OGG1: variants seen among roughly 807,000 people sequenced by gnomAD.
OGG1 encodes 8-oxoguanine DNA glycosylase.
OGG1 carries 35 observed loss-of-function variants against 42.3 expected under a neutral mutation model. That is an observed-to-expected ratio of 0.83 (90% CI 0.63 to 1.10). The LOEUF (loss-of-function observed/expected upper bound fraction) is 1.10, where lower values mean the gene tolerates loss of function less well. OGG1 is among the 50% of genes least tolerant of loss of function. The pLI is 0.00. For missense variants in OGG1, 484 were observed against 446.7 expected (o/e 1.08, Z -0.75); for synonymous variants, 189 against 179.0 (o/e 1.06, Z -0.44).
chr3:9,761,979 T>G, downstream of OGG1: 1 of 567,134 alleles, frequency 1.8e-6, no homozygotes, highest in Non-Finnish European at 3.1e-6. Flanking sequence ...AAACCTCAGG[T>G]GTGCACTGTA....
At chr3:9,778,551 T>A (rs2078394592) in intron 2 of OGG1, among the ~76,000 whole-genome samples, 1 of 152,240 alleles carries the variant, frequency 6.6e-6, no homozygotes, top group East Asian at 1.9e-4. Flanking sequence ...CTCCATCTCC[T>A]GGCTCTGCTT....
chr3:9,788,755 GTCTTGAAC>G (rs2078674388), downstream of OGG1, among the ~76,000 whole-genome samples: 1 of 151,670 alleles, frequency 6.6e-6, no homozygotes, highest in South Asian at 2.1e-4. Flanking sequence ...GGTCAGGCTG[GTCTTGAAC>G]TCCTGACCTC....
At chr3:9,769,542 C>A (rs373813465), downstream of OGG1, among the ~76,000 whole-genome samples, 1 of 152,298 alleles carries the variant, frequency 6.6e-6, no homozygotes, top group African/African-American at 2.4e-5. Context: ...CTCCGCAAGC[C>A]CCCCCACCCC....
chr3:9,780,350 G>A, intron 2 of OGG1: 1 of 1,609,528 alleles, frequency 6.2e-7, no homozygotes. Context: ...TGAGGCAGGG[G>A]TGAGGGCTAC....
intron 3 of OGG1, among the ~76,000 whole-genome samples, chr3:9,786,769 G>A (rs536243514): frequency 1.9e-4 from 29 of 152,276 alleles, no homozygotes; most frequent in Admixed American, 1.1e-3. Flanking sequence ...TCTCCAGGCT[G>A]GTAATACAAG....
rs1302502255 is a variant in OGG1, at chr3:9,751,063, A to G, written c.256A>G (p.Ser86Gly). The G allele has an allele frequency of 6.2e-7, 1 of 1,613,804 alleles. No homozygotes were observed. The highest frequency in any genetic ancestry group is 8.5e-7 in the Non-Finnish European group (1 of 1,179,898). ...TVYRGDKSQASRPTPDELEAV... is the reference protein window; with the variant it reads ...TVYRGDKSQAGRPTPDELEAV... ...GTACCGAGGAGACAAGAGCCAGGCT[A>G]GCAGGCCCACACCAGACGAGCTGGA... The change falls in exon 2 of 7, where the codon AGC becomes GGC. Residue 86 changes from serine to glycine, a missense_variant. Transcript: ENST00000344629.
chr3:9,784,707 A>T (rs1210601549), intron 3 of OGG1, among the ~76,000 whole-genome samples: 1 of 152,036 alleles, frequency 6.6e-6, no homozygotes, highest in East Asian at 1.9e-4. Flanking sequence ...TCTACTAAAA[A>T]TACAAAAATG....
intron 2 of OGG1, among the ~76,000 whole-genome samples, chr3:9,779,229 C>A (rs2078406712): frequency 6.6e-6 from 1 of 152,194 alleles, no homozygotes; most frequent in Admixed American, 6.5e-5. Flanking sequence ...CTCTGACTGG[C>A]ATAAAGCCAT....
downstream of OGG1, among the ~76,000 whole-genome samples, chr3:9,769,553 A>G (rs73113552): frequency 4.3e-3 from 655 of 151,654 alleles, 4 homozygotes; most frequent in African/African-American, 0.015. Flanking sequence ...CCCCCACCCC[A>G]TGGATACCTC....
In OGG1 at chr3:9,763,993, A is replaced by T. The variant is rs190926547; in HGVS notation, c.1049-1816A>T. Among the ~76,000 whole-genome samples, 731 of 151,996 alleles carry T rather than the reference A, an allele frequency of 4.8e-3. 5 individuals carry two copies. The highest frequency in any genetic ancestry group is 0.012 in the African/African-American group (491 of 41,478). The stretch of plus-strand genomic sequence containing the variant: ...AAGAGCAAAACTCCATCTCAAAAAA[A>T]ATATATATATATAGTTTTCTGTGTT... On this transcript the variant is annotated intron_variant, in intron 7 of 7. Coordinates refer to the OGG1 transcript ENST00000302008.
downstream of OGG1, among the ~76,000 whole-genome samples, chr3:9,770,240 G>C (rs2078272392): frequency 6.6e-6 from 1 of 152,194 alleles, no homozygotes; most frequent in Non-Finnish European, 1.5e-5. Flanking sequence ...AACCCCGTCT[G>C]TCTGAAGCTA....
intron 7 of OGG1, chr3:9,765,707 G>A: frequency 6.3e-7 from 1 of 1,594,528 alleles, no homozygotes; most frequent in Admixed American, 1.7e-5. Flanking sequence ...AGGAGGATGG[G>A]AGGGCCAAGG....
downstream of OGG1, among the ~76,000 whole-genome samples, chr3:9,768,332 A>G (rs1450418590): frequency 6.6e-6 from 1 of 152,210 alleles, no homozygotes; most frequent in Non-Finnish European, 1.5e-5. Flanking sequence ...AACAACAGCC[A>G]CAGCTGGAGC....
chr3:9,760,516 G>A, downstream of OGG1: 1 of 752,582 alleles, frequency 1.3e-6, no homozygotes, highest in Non-Finnish European at 2.3e-6. Flanking sequence ...AGAAGGGGTA[G>A]GGTGTCTGGT....
chr3:9,781,823 C>A (rs984192911), intron 3 of OGG1, among the ~76,000 whole-genome samples: 8 of 147,514 alleles, frequency 5.4e-5, no homozygotes, highest in African/African-American at 7.5e-5. Flanking sequence ...TTCTTCATTG[C>A]CCATTACTTC....
downstream of OGG1, chr3:9,757,982 G>A (rs2077665525): frequency 7.0e-7 from 1 of 1,425,978 alleles, no homozygotes. The surrounding 1 kb of genome is among the most constrained non-coding windows in gnomAD (Gnocchi z 4.5). Context: ...TTCCCCTAAA[G>A]CCCCCCAAAA....
chr3:9,781,181 C>T (rs574273465), intron 2 of OGG1, among the ~76,000 whole-genome samples: 4 of 151,972 alleles, frequency 2.6e-5, no homozygotes, highest in African/African-American at 9.7e-5. Context: ...CAAAGTAGCT[C>T]ATGCCTGTAA....
chr3:9,753,829 G>A (rs3219007), intron 3 of OGG1, among the ~76,000 whole-genome samples: 3 of 152,358 alleles, frequency 2.0e-5, no homozygotes, highest in African/African-American at 7.2e-5. Context: ...AGGCAGTGTA[G>A]TGTAATGGGT....
chr3:9,762,497 C>T (rs1461736064), intron 7 of OGG1, among the ~76,000 whole-genome samples: 1 of 152,216 alleles, frequency 6.6e-6, no homozygotes, highest in Non-Finnish European at 1.5e-5. Context: ...CTGCCTCAGC[C>T]TCCCTAGTAG....
Sources: gnomAD v4.1 joint callset for allele counts (sites outside exome capture counted in the v4.1 genomes callset) on GRCh38, gnomAD v4.1.1 for gene constraint, Gnocchi (gnomAD v3.1) non-coding constraint, MANE v1.5 for transcripts, NCBI Gene and HGNC (gene_info 2026-07-23, HGNC 2026-07-21) for gene names.